MICALL2: variants seen among roughly 807,000 people sequenced by gnomAD.
MICALL2 encodes MICAL-like protein 2.
A neutral mutation model predicts 91.1 loss-of-function variants in MICALL2; 111 were observed. That is an observed-to-expected ratio of 1.22 (90% CI 1.04 to 1.43). MICALL2 has a LOEUF of 1.43. MICALL2 is among the 40% of genes most tolerant of loss of function. The pLI is 0.00. For synonymous variants in MICALL2, 694 were observed against 525.3 expected (o/e 1.32, Z -4.39); for missense variants, 1,556 against 1,236.0 (o/e 1.26, Z -3.88).
At chr7:1,453,760 C>T (rs1026885437) in intron 1 of MICALL2, among the ~76,000 whole-genome samples, 3 of 152,094 alleles carry the variant, frequency 2.0e-5, no homozygotes, top group Middle Eastern at 3.2e-3. Context: ...TTTGAAGCCT[C>T]AGAATTAAAA....
rs1393198748 is a variant in MICALL2 at position 1,451,030 on chromosome 7, G to C, written c.144-742C>G. Among the ~76,000 whole-genome samples, 1 of 152,182 alleles carries C rather than the reference G, an allele frequency of 6.6e-6. No homozygotes were observed. Among genetic ancestry groups the C allele is most frequent in the Non-Finnish European group, 1.5e-5 (1 of 68,018 alleles). ...GCTGCCAAGCCCACTGAGGTTACAT[G>C]GTTCTCTCTTTGGGTGGTGGAGTGC... On this transcript the variant is annotated intron_variant, in intron 1 of 16. Coordinates refer to ENST00000297508, the MANE Select transcript of MICALL2 (RefSeq NM_182924.4). The surrounding 1 kb of genome is among the most constrained non-coding windows in gnomAD (Gnocchi z 4.5).
chr7:1,434,671 G>A lies in MICALL2; in HGVS notation c.2640C>T (p.Gly880=), dbSNP rs1385427871. ...GGAACTTGGACTTCTTCCTCTGGAG[G>A]CCTAGGGGACAGGTGGACAGTGAGG... ...QMLRDMIEKL[G]LQRKKSKFRL... is the part of the protein sequence containing the mutation. Residue 880 remains glycine, a splice_region_variant and synonymous_variant, in exon 17 of 17, where the codon GGC becomes GGT. Coordinates refer to ENST00000297508, the MANE Select transcript of MICALL2 (RefSeq NM_182924.4). The A allele has an allele frequency of 6.4e-7, 1 of 1,557,000 alleles. No homozygotes were observed.
chr7:1,442,644 T>C (rs566714212), intron 6 of MICALL2, among the ~76,000 whole-genome samples, 160 bp from the exon 7 acceptor site: 9 of 145,110 alleles, frequency 6.2e-5, no homozygotes, highest in Non-Finnish European at 1.2e-4. Flanking sequence ...CCCCCACCAT[T>C]GCGCCAGGCC....
Position 1,446,719 on chromosome 7 carries a change from C to G in MICALL2, c.635G>C (p.Cys212Ser). The stretch of plus-strand genomic sequence containing the variant: ...GGGCAGAGGGCAGCCCCACCTGAAG[C>G]AGCTCCGGTGGTAAAGCCTCCCGTC... ...LADGRLYHRS[C>S]FRCKQCSCTL... The change falls in exon 5 of 17, where the codon TGC becomes TCC. Residue 212 changes from cysteine (C) to serine (S), a missense_variant. Cys to Ser is a moderately radical substitution (Grantham distance 112). Coordinates refer to ENST00000297508, the MANE Select transcript of MICALL2 (RefSeq NM_182924.4). 6.3e-7 allele frequency: 1 copy of G among 1,595,428 alleles called. No homozygotes were observed. Among genetic ancestry groups the G allele is most frequent in the Non-Finnish European group, 8.5e-7 (1 of 1,171,782 alleles).
intron 1 of MICALL2, among the ~76,000 whole-genome samples, chr7:1,455,675 C>T (rs535630192): frequency 2.6e-5 from 4 of 151,890 alleles, no homozygotes; most frequent in Non-Finnish European, 5.9e-5. Flanking sequence ...ACCAGGAGCC[C>T]GGGTGCCCCA....
intron 9 of MICALL2, chr7:1,439,198 C>T (rs547550966): frequency 1.5e-4 from 81 of 548,276 alleles, no homozygotes; most frequent in African/African-American, 9.0e-4. Context: ...GGCTAACCCA[C>T]GGGGCTGCTG....
In MICALL2 at chr7:1,438,307, C is replaced by T. The variant is rs1191537371; in HGVS notation, c.2169G>A (p.Thr723=). The T allele has an allele frequency of 6.9e-6, 11 of 1,602,494 alleles. No homozygotes were observed. Among genetic ancestry groups the T allele is most frequent in the South Asian group, 5.6e-5 (5 of 89,204 alleles). ...TACTCACCCTGACTGGGGAGGTCAC[C>T]GTCTCGCCAGGCAGAGCAGGGACAT... ...PANVPALPGE[T]VTSPVRLHPD... is the part of the protein sequence containing the mutation. Residue 723 remains threonine, a synonymous_variant, in exon 11 of 17, where the codon ACG becomes ACA. Coordinates refer to ENST00000297508, the MANE Select transcript of MICALL2 (RefSeq NM_182924.4).
intron 6 of MICALL2, 65 bp downstream of exon 6, chr7:1,444,587 T>G (rs1423944870): frequency 1.2e-5 from 18 of 1,504,812 alleles, no homozygotes; most frequent in Non-Finnish European, 1.5e-5. Context: ...CCCTCTGGCC[T>G]CCGGGGCCCC....
At position 1,442,193 on chromosome 7, in the gene MICALL2, C is replaced by A; in HGVS notation, c.1710G>T (p.Gln570His). Reference protein sequence around the residue: ...MAKGKSTTLTQDMSTSLQEGQ... With the variant: ...MAKGKSTTLTHDMSTSLQEGQ... ...CCTGCCTCCCAGCCCCTTACTCACC[C>A]TGCGTTAAGGTGGTGCTTTTACCCT... The change falls in exon 7 of 17, where the codon CAG becomes CAT. Residue 570 changes from glutamine to histidine, a missense_variant and splice_region_variant. Physicochemically the swap from Gln to His is conservative, Grantham distance 24 (BLOSUM62 0). Coordinates refer to ENST00000297508, the MANE Select transcript of MICALL2 (RefSeq NM_182924.4). 6.2e-7 allele frequency: 1 copy of A among 1,612,300 alleles called. No homozygotes were observed. The highest frequency in any genetic ancestry group is 8.5e-7 in the Non-Finnish European group (1 of 1,179,830).
intron 1 of MICALL2, among the ~76,000 whole-genome samples, chr7:1,456,095 G>A (rs1304081521): frequency 6.6e-6 from 1 of 151,866 alleles, no homozygotes; most frequent in Non-Finnish European, 1.5e-5. Flanking sequence ...GGCACGGGAT[G>A]GGGGTGATGA....
rs373257576 is a variant in MICALL2 at position 1,439,927 on chromosome 7, G to A, written c.1964C>T (p.Pro655Leu). The change falls in exon 9 of 17, where the codon CCA becomes CTA. Residue 655 changes from proline to leucine, a missense_variant and splice_region_variant. By Grantham distance (98) the Pro-to-Leu change is moderately conservative. Transcript: ENST00000297508. ...PRPASPGPSL[P>L]ARSPSPPRRR... ...CCCTGGGTCCCGTCCAGGAGTACCT[G>A]GGAGGCTGGGTCCTGGGCTGGCTGG... is the stretch of plus-strand genomic sequence containing the variant. 9.6e-6 allele frequency: 14 copies of A among 1,464,702 alleles called. No individual in the cohort carries two copies. Among genetic ancestry groups the A allele is most frequent in the African/African-American group, 1.5e-5 (1 of 67,310 alleles). 90.7% of individuals were successfully genotyped at this position (1,464,702 alleles called of 1,614,324 possible).
At chr7:1,442,008 A>AC (rs1780303508) in intron 7 of MICALL2, 184 bp downstream of exon 7, 3 of 709,304 alleles carry the variant, frequency 4.2e-6, no homozygotes, top group Non-Finnish European at 7.1e-6. Context: ...ATTTGCAGCC[A>AC]CCACACAGAG....
chr7:1,453,454 T>C (rs10252390), intron 1 of MICALL2, among the ~76,000 whole-genome samples: 31,255 of 152,070 alleles, frequency 0.21, 5,413 homozygotes, highest in African/African-American at 0.47. Context: ...CCAGCCCTGC[T>C]CACACCTCCG....
Position 1,438,162 on chromosome 7 carries a change from C to T in MICALL2, c.2246G>A (p.Arg749Lys). Residue 749 changes from arginine to lysine, a missense_variant, in exon 12 of 17, where the codon AGG becomes AAG. Coordinates refer to ENST00000297508, the MANE Select transcript of MICALL2 (RefSeq NM_182924.4). Reference sequence around the variant, plus strand: ...GCGGAGCTCCAGGGCGTCCAGCCGCCTCTCGATGTCCTGCAGCTGCCTCTG... The same window carrying T: ...GCGGAGCTCCAGGGCGTCCAGCCGCTTCTCGATGTCCTGCAGCTGCCTCTG... ...EIQRQLQDIE[R>K]RLDALELRGV... The T allele has an allele frequency of 6.4e-7, 1 of 1,565,224 alleles. No homozygotes were observed. The highest frequency in any genetic ancestry group is 8.7e-7 in the Non-Finnish European group (1 of 1,155,166).
chr7:1,455,592 G>A (rs1275462314), intron 1 of MICALL2, among the ~76,000 whole-genome samples: 1 of 147,654 alleles, frequency 6.8e-6, no homozygotes, highest in African/African-American at 2.4e-5. Flanking sequence ...GTGGCTCAAG[G>A]AGCCGGAACA....
intron 14 of MICALL2, 116 bp from the exon 15 acceptor site, chr7:1,436,972 C>A: frequency 1.4e-6 from 1 of 699,076 alleles, no homozygotes; most frequent in Non-Finnish European, 2.2e-6. Flanking sequence ...AAGGTGGGGT[C>A]TTGGGGGGAT....
chr7:1,438,764 C>G, intron 10 of MICALL2, 76 bp downstream of exon 10: 1 of 1,527,106 alleles, frequency 6.5e-7, no homozygotes, highest in East Asian at 2.3e-5. Context: ...CTCCAAAGCC[C>G]CAGCAGGCAT....
At chr7:1,439,901 C>T in intron 9 of MICALL2, 24 bp downstream of exon 9, 2 of 1,411,276 alleles carry the variant, frequency 1.4e-6, no homozygotes, top group Non-Finnish European at 1.8e-6. Context: ...AACCCGGGGG[C>T]CCCTGGGTCC....
intron 1 of MICALL2, among the ~76,000 whole-genome samples, chr7:1,455,074 A>G (rs1420288381): frequency 4.6e-5 from 7 of 152,156 alleles, no homozygotes; most frequent in Admixed American, 4.6e-4. Flanking sequence ...GGAGGCCGCA[A>G]TGTTCTCCCA....
Sources: gnomAD v4.1 joint callset for allele counts (sites outside exome capture counted in the v4.1 genomes callset) on GRCh38, gnomAD v4.1.1 for gene constraint, Gnocchi (gnomAD v3.1) non-coding constraint, MANE v1.5 for transcripts, NCBI Gene and HGNC (gene_info 2026-07-23, HGNC 2026-07-21) for gene names.